The following EML1 variants were observed in gnomAD, a reference collection of about 807,000 sequenced individuals.
EML1 encodes the protein EMAP like 1.
EML1 carries 27 observed loss-of-function variants against 110.4 expected under a neutral mutation model. The observed-to-expected ratio is 0.24, with a 90% CI of 0.18 to 0.34. EML1 has a LOEUF of 0.34. EML1 is among the 10% of genes least tolerant of loss of function. EML1 has a pLI of 1.00. For missense variants in EML1, 741 were observed against 1,030.9 expected, an observed-to-expected ratio of 0.72 and a Z score of 3.85; for synonymous variants, 344 against 385.8, an observed-to-expected ratio of 0.89 and a Z score of 1.27.
chr14:99,757,288 A>G (rs1052574563), intron 1 of EML1, among the ~76,000 whole-genome samples: 1 of 151,954 alleles, frequency 6.6e-6, no homozygotes, highest in Non-Finnish European at 1.5e-5. Context: ...GCAGTGAGCG[A>G]AGATCGCGCC....
chr14:99,760,701 C>T lies in EML1; in HGVS notation c.28+22841C>T, dbSNP rs185206525. On this transcript the variant is annotated intron_variant, in intron 1 of 10. Coordinates refer to the EML1 transcript ENST00000554479. Reference sequence around the variant, plus strand: ...GCAGACAGACTGGGAGCCTGCTCAACGCCCAAACACCAATATTAATCTCAG... The same window carrying T: ...GCAGACAGACTGGGAGCCTGCTCAATGCCCAAACACCAATATTAATCTCAG... Among the ~76,000 whole-genome samples, 23 of 152,234 alleles carry T rather than the reference C, an allele frequency of 1.5e-4. No individual in the cohort carries two copies. In the East Asian group the frequency reaches 2.1e-3, roughly 14 times the overall value.
At chr14:99,878,014 C>T (rs2059322455) in intron 3 of EML1, among the ~76,000 whole-genome samples, 1 of 152,282 alleles carries the variant, frequency 6.6e-6, no homozygotes, top group African/African-American at 2.4e-5. Flanking sequence ...TGGCCCAACA[C>T]AGATTTGTCA....
intron 1 of EML1, among the ~76,000 whole-genome samples, chr14:99,780,257 T>C (rs180961230): frequency 7.9e-5 from 12 of 152,238 alleles, no homozygotes; most frequent in Non-Finnish European, 1.3e-4. Flanking sequence ...GTGTATGAGT[T>C]TGGAAGGGAG....
chr14:99,930,547 T>G (rs1439109261), intron 17 of EML1, among the ~76,000 whole-genome samples: 1 of 152,234 alleles, frequency 6.6e-6, no homozygotes, highest in Non-Finnish European at 1.5e-5. Context: ...TATAACATGG[T>G]CTTTTGCTGA....
At chr14:99,744,241 C>T (rs2057077757) in intron 1 of EML1, among the ~76,000 whole-genome samples, 2 of 152,012 alleles carry the variant, frequency 1.3e-5, no homozygotes, top group South Asian at 4.2e-4. Flanking sequence ...ATAAAAAGAC[C>T]ACTGCAGGTC....
intron 1 of EML1, chr14:99,838,962 TA>T (rs1299400682): frequency 7.1e-6 from 1 of 141,604 alleles, no homozygotes; most frequent in African/African-American, 2.5e-5. Context: ...TAGTATTTAG[TA>T]AACATTCCAA....
At chr14:99,862,996 A>T (rs1245741889) in intron 2 of EML1, among the ~76,000 whole-genome samples, 1 of 152,190 alleles carries the variant, frequency 6.6e-6, no homozygotes, top group East Asian at 1.9e-4. Context: ...GGGAAACCTG[A>T]GTCCACACTG....
intron 1 of EML1, among the ~76,000 whole-genome samples, chr14:99,788,205 G>C (rs2057621284): frequency 6.6e-6 from 1 of 151,968 alleles, no homozygotes; most frequent in Non-Finnish European, 1.5e-5. Context: ...CTTCCACCTA[G>C]CTTTGTTCCT....
At chr14:99,865,132 A>G (rs2059073557) in intron 2 of EML1, among the ~76,000 whole-genome samples, 2 of 152,202 alleles carry the variant, frequency 1.3e-5, no homozygotes, top group South Asian at 2.1e-4. Context: ...ACAGCTCACC[A>G]TAACGTAGAA....
intron 1 of EML1, among the ~76,000 whole-genome samples, chr14:99,739,119 AGTGTGTGTGTGTGTGTGTGTGT>A (rs71113220): frequency 7.4e-6 from 1 of 134,910 alleles, no homozygotes; most frequent in Non-Finnish European, 1.6e-5. Context: ...AGAGAGAGAG[AGTGTGTGTGTGTGTGTGTGTGT>A]GTGTGTGTGT....
intron 1 of EML1, among the ~76,000 whole-genome samples, chr14:99,848,016 T>G (rs1293001555): frequency 6.6e-6 from 1 of 152,174 alleles, no homozygotes; most frequent in Non-Finnish European, 1.5e-5. Flanking sequence ...TAATGTAACA[T>G]GTAATAGAAT....
intron 4 of EML1, among the ~76,000 whole-genome samples, chr14:99,881,211 G>A (rs965898923): frequency 1.3e-5 from 2 of 152,174 alleles, no homozygotes; most frequent in Non-Finnish European, 2.9e-5. Flanking sequence ...GAGTGCTGAC[G>A]TCATAGGGAT....
At chr14:99,775,197 C>G (rs1237341837) in intron 1 of EML1, among the ~76,000 whole-genome samples, 1 of 152,144 alleles carries the variant, frequency 6.6e-6, no homozygotes, top group Admixed American at 6.5e-5. Flanking sequence ...GTCTTCAAGT[C>G]AAATCTGTTT....
At position 99,827,464 on chromosome 14, in the gene EML1, A is replaced by G. The variant is rs986684531; in HGVS notation, c.68-23389A>G. ...CAGGCCCAGTAGGCACGAGTACTAT[A>G]AATACCCTCTGTTATGGGCTTACTT... On this transcript the variant is annotated intron_variant, in intron 1 of 21. Coordinates refer to ENST00000262233, the MANE Select transcript of EML1 (RefSeq NM_004434.3). This position sits in a 1 kb window ranked among gnomAD's most constrained non-coding sequence, Gnocchi z 4.4. 1.3e-5 allele frequency among the ~76,000 whole-genome samples: 2 copies of G among 152,162 alleles called. No individual in the cohort carries two copies. Among genetic ancestry groups the G allele is most frequent in the African/African-American group, 4.8e-5 (2 of 41,418 alleles).
chr14:99,935,760 C>T (rs145676769), intron 17 of EML1, among the ~76,000 whole-genome samples: 9,046 of 125,770 alleles, frequency 0.072, 363 homozygotes, highest in Middle Eastern at 0.11. Flanking sequence ...TCCGGCCTGG[C>T]GACAGAGCGA....
chr14:99,813,144 T>G lies in EML1; in HGVS notation c.67+19601T>G, dbSNP rs546534772. On this transcript the variant is annotated intron_variant, in intron 1 of 21. Transcript: ENST00000262233. The stretch of plus-strand genomic sequence containing the variant: ...TTGCCAAGCAGAAGGATTATGGGTA[T>G]GGCTGAACCAGTTTTGTACGCTTTG... 5.9e-5 allele frequency among the ~76,000 whole-genome samples: 9 copies of G among 152,296 alleles called. No homozygotes were observed. The East Asian group carries it at 1.5e-3, about 26-fold the overall frequency.
At chr14:99,743,724 G>A (rs1566845288) in intron 1 of EML1, among the ~76,000 whole-genome samples, 2 of 152,240 alleles carry the variant, frequency 1.3e-5, no homozygotes, top group Non-Finnish European at 1.5e-5. Flanking sequence ...CCACGCCAGT[G>A]TCGGAAGTAC....
intron 1 of EML1, among the ~76,000 whole-genome samples, chr14:99,826,116 T>TTTTTTTTTTTTTTTG (rs2058348738): frequency 7.0e-6 from 1 of 143,636 alleles, no homozygotes; most frequent in African/African-American, 2.6e-5. Context: ...TTTTTTTTTT[T>TTTTTTTTTTTTTTTG]TTTTTTTTTT....
chr14:99,756,877 G>A (rs80318078), intron 1 of EML1, among the ~76,000 whole-genome samples: 1,966 of 152,128 alleles, frequency 0.013, 46 homozygotes, highest in African/African-American at 0.045. Context: ...ATCCGCACGC[G>A]GCCCGCACTC....
Sources: gnomAD v4.1 joint callset for allele counts (sites outside exome capture counted in the v4.1 genomes callset) on GRCh38, gnomAD v4.1.1 for gene constraint, Gnocchi (gnomAD v3.1) non-coding constraint, MANE v1.5 for transcripts, NCBI Gene and HGNC (gene_info 2026-07-23, HGNC 2026-07-21) for gene names.